The following MBP variants were observed in gnomAD, a reference collection of about 807,000 sequenced individuals.
MBP encodes the protein myelin basic protein.
In MBP, 16 loss-of-function variants were observed where a neutral mutation model predicts 35.8. That is an observed-to-expected ratio of 0.45 (90% CI 0.30 to 0.68). MBP has a LOEUF of 0.68. Ranked by LOEUF, MBP falls within the 30% of genes least tolerant of loss-of-function variation. MBP has a pLI of 0.08. For synonymous variants in MBP, 143 were observed against 159.6 expected (o/e 0.90, Z 0.78); for missense variants, 380 against 404.7 (o/e 0.94, Z 0.52).
At position 77,044,955 on chromosome 18, in the gene MBP, AAGTGTGGTGTGTG is replaced by A. The variant is rs927904219; in HGVS notation, c.139+21330_139+21342del. On this transcript the variant is annotated intron_variant, in intron 3 of 8. Coordinates refer to ENST00000355994, the MANE Select transcript of MBP (RefSeq NM_001025101.2). The surrounding 1 kb of genome is among the most constrained non-coding windows in gnomAD (Gnocchi z 4.4). ...TGAGAGAACATGAGTGTGTGTGTGT[AAGTGTGGTGTGTG>A]AGTGTGGAGTGTGTGAGTGTTCAAG... 2.4e-4 allele frequency among the ~76,000 whole-genome samples: 29 copies of A among 122,882 alleles called. No individual in the cohort carries two copies. The East Asian group carries it at 4.2e-3, about 18-fold the overall frequency. 80.6% of individuals were successfully genotyped at this position (122,882 alleles called of 152,430 possible).
chr18:77,094,491 G>A (rs1364664663), intron 2 of MBP, among the ~76,000 whole-genome samples: 4 of 152,234 alleles, frequency 2.6e-5, no homozygotes, highest in Non-Finnish European at 5.9e-5. Context: ...TACTGCGGGT[G>A]CCACGTTAAA....
intron 3 of MBP, among the ~76,000 whole-genome samples, chr18:77,039,227 C>G (rs58134846): frequency 0.054 from 8,205 of 152,122 alleles, 472 homozygotes; most frequent in East Asian, 0.24. Context: ...CTGTCTGGCC[C>G]TTTATGGAGA....
At chr18:77,033,453 T>C (rs1043621261) in intron 3 of MBP, among the ~76,000 whole-genome samples, 1 of 152,196 alleles carries the variant, frequency 6.6e-6, no homozygotes, top group South Asian at 2.1e-4. Flanking sequence ...TGGTGCACAA[T>C]TGGGGCTTTT....
intron 3 of MBP, among the ~76,000 whole-genome samples, chr18:77,049,605 T>A (rs1317754466): frequency 6.6e-6 from 1 of 152,228 alleles, no homozygotes; most frequent in South Asian, 2.1e-4. Flanking sequence ...TTCTAGATCA[T>A]TCCTTTTGGT....
intron 4 of MBP, chr18:77,003,451 AT>A (rs1205743897): frequency 6.6e-6 from 1 of 152,162 alleles, no homozygotes; most frequent in Non-Finnish European, 1.5e-5. Context: ...GTAATATTTG[AT>A]TCTTCTGGCA....
chr18:77,080,294 C>A lies in MBP; in HGVS notation c.52-13909G>T, dbSNP rs775708885. On this transcript the variant is annotated intron_variant, in intron 2 of 8. Transcript: ENST00000355994. ...AAAATAAGAATTGCACAAACAGGCTCATTTCAAAGGCATCCCCTTTCTCTG... is the reference window on the plus strand; with the variant it reads ...AAAATAAGAATTGCACAAACAGGCTAATTTCAAAGGCATCCCCTTTCTCTG... Among the ~76,000 whole-genome samples, 221 of 152,372 alleles carry A rather than the reference C, an allele frequency of 1.5e-3. 1 individual carries two copies. The highest frequency in any genetic ancestry group is 5.1e-3 in the African/African-American group (211 of 41,590).
chr18:77,027,571 G>T (rs1317332139), intron 3 of MBP, among the ~76,000 whole-genome samples: 1 of 128,560 alleles, frequency 7.8e-6, no homozygotes, highest in East Asian at 2.1e-4. Flanking sequence ...CATACACATA[G>T]AGCTCACAAC....
At chr18:77,058,302 G>A (rs1020725904) in intron 3 of MBP, among the ~76,000 whole-genome samples, 1 of 152,186 alleles carries the variant, frequency 6.6e-6, no homozygotes, top group African/African-American at 2.4e-5. Flanking sequence ...GCTCCGCTCT[G>A]GCTTCGACTC....
intron 2 of MBP, among the ~76,000 whole-genome samples, chr18:77,100,172 A>G (rs1423106227): frequency 6.6e-6 from 1 of 152,230 alleles, no homozygotes. Context: ...CCACTGGAGT[A>G]GGGTGGCCCT....
At chr18:77,120,417 G>A (rs967817166) in intron 1 of MBP, among the ~76,000 whole-genome samples, 2 of 152,206 alleles carry the variant, frequency 1.3e-5, no homozygotes, top group Non-Finnish European at 2.9e-5. Context: ...GCACTGACCC[G>A]GGACAAAGAC....
chr18:76,996,771 C>G, intron 4 of MBP, among the ~76,000 whole-genome samples: 1 of 152,052 alleles, frequency 6.6e-6, no homozygotes, highest in East Asian at 1.9e-4. Context: ...GGGGTTGTGT[C>G]CTTATTATGG....
chr18:77,010,370 T>C (rs1197070174), intron 4 of MBP, among the ~76,000 whole-genome samples: 1 of 152,240 alleles, frequency 6.6e-6, no homozygotes, highest in Non-Finnish European at 1.5e-5. Context: ...ACGTCTACCA[T>C]GGAATGGATA....
intron 2 of MBP, 112 bp downstream of exon 2, chr18:77,105,099 C>T: frequency 1.3e-6 from 1 of 763,918 alleles, no homozygotes; most frequent in South Asian, 1.8e-5. Context: ...ACCCAGCTGT[C>T]AGGGAAGAGT....
intron 3 of MBP, among the ~76,000 whole-genome samples, chr18:77,050,753 C>G (rs1318823450): frequency 6.6e-6 from 1 of 152,202 alleles, no homozygotes; most frequent in Non-Finnish European, 1.5e-5. Flanking sequence ...ACCATACTGG[C>G]CAGGCTGATC....
chr18:77,016,454 G>C (rs767219193), intron 4 of MBP: 2 of 1,064,320 alleles, frequency 1.9e-6, no homozygotes, highest in Admixed American at 9.6e-5. Context: ...GAACCCCAGC[G>C]TGTGGGCTGC....
intron 2 of MBP, among the ~76,000 whole-genome samples, chr18:77,072,148 C>A (rs1974479625): frequency 6.6e-6 from 1 of 152,138 alleles, no homozygotes; most frequent in African/African-American, 2.4e-5. Context: ...GGCGTACACA[C>A]CCCTCCGCCT....
At chr18:77,103,805 G>A (rs1599252265) in intron 2 of MBP, among the ~76,000 whole-genome samples, 1 of 152,188 alleles carries the variant, frequency 6.6e-6, no homozygotes, top group East Asian at 1.9e-4. Context: ...TGTCCTGAGC[G>A]TCTCAGTGGG....
intron 8 of MBP, 96 bp from the exon 9 acceptor site, chr18:76,980,567 T>C (rs776402815): frequency 2.9e-5 from 27 of 916,448 alleles, no homozygotes; most frequent in East Asian, 7.2e-5. Context: ...TGCTGAGCCA[T>C]TGGGTGTCTC....
chr18:77,099,952 G>A (rs1193115960), intron 2 of MBP, among the ~76,000 whole-genome samples: 1 of 152,262 alleles, frequency 6.6e-6, no homozygotes, highest in Non-Finnish European at 1.5e-5. Flanking sequence ...CCCAGGAGGT[G>A]TCAGACATGG....
Sources: gnomAD v4.1 joint callset for allele counts (sites outside exome capture counted in the v4.1 genomes callset) on GRCh38, gnomAD v4.1.1 for gene constraint, Gnocchi (gnomAD v3.1) non-coding constraint, MANE v1.5 for transcripts, NCBI Gene and HGNC (gene_info 2026-07-23, HGNC 2026-07-21) for gene names.